The following DNAH8 variants were observed in gnomAD, a reference collection of about 807,000 sequenced individuals.
The protein encoded by DNAH8 is axonemal beta dynein heavy chain 8.
DNAH8 carries 382 observed loss-of-function variants against 562.1 expected under a neutral mutation model. The observed-to-expected ratio is 0.68, with a 90% confidence interval of 0.63 to 0.74. DNAH8 has a LOEUF of 0.74. Among genes scored for constraint, DNAH8 ranks in the 30% least tolerant of loss-of-function variants. The pLI, the probability that DNAH8 is intolerant of heterozygous loss-of-function variation, is 0.00. For synonymous variants in DNAH8, 1,881 were observed against 1,919.4 expected (o/e 0.98, Z 0.52); for missense variants, 5,203 against 5,620.4 (o/e 0.93, Z 2.37).
At chr6:38,777,833 G>A (rs996211810) in intron 13 of DNAH8, among the ~76,000 whole-genome samples, 1 of 152,102 alleles carries the variant, frequency 6.6e-6, no homozygotes, top group East Asian at 1.9e-4. Context: ...ACATCTGCTG[G>A]CCCTGGTGTC....
intron 21 of DNAH8, 42 bp downstream of exon 21, chr6:38,791,716 C>T (rs1769764561): frequency 6.3e-7 from 1 of 1,589,298 alleles, no homozygotes; most frequent in Non-Finnish European, 8.5e-7. Context: ...AAAATATTGG[C>T]CTATAAACCT....
At chr6:38,750,051 C>T (rs1029150485) in intron 8 of DNAH8, among the ~76,000 whole-genome samples, 23 of 152,268 alleles carry the variant, frequency 1.5e-4, no homozygotes, top group Admixed American at 1.4e-3. Flanking sequence ...CTAGGATGGT[C>T]TCGATCTCCT....
intron 79 of DNAH8, among the ~76,000 whole-genome samples, chr6:38,942,958 G>A (rs1026867514): frequency 2.0e-5 from 3 of 152,218 alleles, no homozygotes; most frequent in African/African-American, 7.2e-5. Context: ...GAATTCATCA[G>A]GGAGGATTAG....
intron 8 of DNAH8, among the ~76,000 whole-genome samples, chr6:38,746,087 T>C (rs1342543217): frequency 6.6e-6 from 1 of 152,142 alleles, no homozygotes; most frequent in Admixed American, 6.5e-5. Context: ...CCAATGGTGG[T>C]TTTCTAGTTC....
At chr6:38,805,965 A>G (rs1214471672) in intron 23 of DNAH8, among the ~76,000 whole-genome samples, 1 of 152,174 alleles carries the variant, frequency 6.6e-6, no homozygotes, top group African/African-American at 2.4e-5. Context: ...GCAAGTCCAG[A>G]TTGTGGTTCA....
chr6:38,744,602 T>C (rs1286427007), intron 8 of DNAH8, among the ~76,000 whole-genome samples: 1 of 141,750 alleles, frequency 7.1e-6, no homozygotes, highest in Non-Finnish European at 1.5e-5. Context: ...CTTTATTTTT[T>C]ATTTTTTTTG....
chr6:38,832,549 G>A (rs755685846), intron 31 of DNAH8, 114 bp downstream of exon 31: 348 of 607,712 alleles, frequency 5.7e-4, no homozygotes, highest in Non-Finnish European at 8.8e-4. Flanking sequence ...CTATATTTGC[G>A]TATTTGCAGC....
chr6:38,747,855 A>G (rs1434324775), intron 8 of DNAH8, among the ~76,000 whole-genome samples: 2 of 152,194 alleles, frequency 1.3e-5, no homozygotes, highest in South Asian at 2.1e-4. Flanking sequence ...TTAGTTTTAT[A>G]TATTTTTGAA....
At chr6:38,862,584 A>G in intron 44 of DNAH8, 126 bp downstream of exon 44, 1 of 1,122,540 alleles carries the variant, frequency 8.9e-7, no homozygotes. Context: ...GTTGATCCGT[A>G]TGATATTGCC....
At chr6:38,959,078 T>G (rs1189931130) in intron 82 of DNAH8, among the ~76,000 whole-genome samples, 1 of 152,146 alleles carries the variant, frequency 6.6e-6, no homozygotes, top group East Asian at 1.9e-4. Context: ...AGATTCAACA[T>G]TCCTTTGTGA....
In DNAH8 at chr6:38,839,853, G is replaced by T. The variant is rs1774631945; in HGVS notation, c.4466+1811G>T. ...AATTTTATATTTTTAGTAGAGACGG[G>T]GTTTCATCATGTTGGTCAGGCTGGT... On this transcript the variant is annotated intron_variant, in intron 33 of 92. Coordinates refer to ENST00000327475, the MANE Select transcript of DNAH8 (RefSeq NM_001206927.2). 2.0e-5 allele frequency among the ~76,000 whole-genome samples: 3 copies of T among 152,028 alleles called. No homozygotes were observed. The South Asian group carries it at 6.2e-4, about 32-fold the overall frequency.
chr6:38,917,400 A>T lies in DNAH8; in HGVS notation c.10302A>T (p.Ser3434=), dbSNP rs1781386282. Residue 3434 remains serine (S), a synonymous_variant, in exon 69 of 93, where the codon TCA becomes TCT. Transcript: ENST00000327475. ...GCTGTAAGCCATCATGGGGAGAGTC[A>T]TTAAAGGTAAGTAAAATCTATCATT... ...KSCCKPSWGE[S]LKLMSATGFL... is the part of the protein sequence containing the mutation. 1 of 1,612,694 alleles carries T rather than the reference A, an allele frequency of 6.2e-7. No homozygotes were observed. The highest frequency in any genetic ancestry group is 1.3e-5 in the African/African-American group (1 of 74,892).
rs1378871356 is a variant in DNAH8, at chr6:38,722,783, A to G, written c.-27A>G. The G allele has an allele frequency of 5.2e-6, 8 of 1,531,400 alleles. No homozygotes were observed. The East Asian group carries it at 6.8e-5, about 13-fold the overall frequency. The allele number at this position is 1,531,400 out of a possible 1,614,324, so 94.9% of individuals were successfully genotyped here. A position where few individuals can be genotyped will look rare whatever the true frequency, so the allele number is the denominator to read the frequency against. ...CCTATGTTATAATTCTAGGTTTCGA[A>G]GTATAAAGCATTCCGCACGACGGGG... is the stretch of plus-strand genomic sequence containing the variant. On this transcript the variant is annotated 5_prime_UTR_variant, in exon 2 of 93. Coordinates refer to ENST00000327475, the MANE Select transcript of DNAH8 (RefSeq NM_001206927.2).
chr6:38,782,533 TG>T (rs1389287635), intron 16 of DNAH8, among the ~76,000 whole-genome samples: 4 of 152,276 alleles, frequency 2.6e-5, no homozygotes, highest in South Asian at 2.1e-4. Flanking sequence ...CCACCTGCCT[TG>T]GCCTCCCAAA....
chr6:38,993,550 A>G (rs1764933578), intron 88 of DNAH8, among the ~76,000 whole-genome samples: 1 of 151,924 alleles, frequency 6.6e-6, no homozygotes. Context: ...CTTTCAACCC[A>G]TTTCCCTCTT....
At chr6:38,874,805 G>A (rs1427728917) in intron 52 of DNAH8, among the ~76,000 whole-genome samples, 1 of 152,202 alleles carries the variant, frequency 6.6e-6, no homozygotes, top group Non-Finnish European at 1.5e-5. Context: ...TCAATTCTCA[G>A]TTAAGAGAGT....
chr6:38,910,942 G>A (rs893782225), intron 65 of DNAH8, among the ~76,000 whole-genome samples: 2 of 152,136 alleles, frequency 1.3e-5, no homozygotes, highest in Non-Finnish European at 2.9e-5. Flanking sequence ...CATTTGAATC[G>A]AGTGTGGTTG....
intron 59 of DNAH8, among the ~76,000 whole-genome samples, chr6:38,895,470 T>G (rs1476955460): frequency 6.6e-6 from 1 of 152,234 alleles, no homozygotes; most frequent in Non-Finnish European, 1.5e-5. Context: ...CTACAAATTT[T>G]GTGAGCTCTT....
At chr6:38,992,951 T>A in intron 88 of DNAH8, among the ~76,000 whole-genome samples, 1 of 152,224 alleles carries the variant, frequency 6.6e-6, no homozygotes, top group South Asian at 2.1e-4. Flanking sequence ...CTTTTTCTCC[T>A]TCTATATTTA....
Sources: allele counts gnomAD v4.1 joint callset (sites outside exome capture counted in the v4.1 genomes callset), GRCh38; gene constraint gnomAD v4.1.1; transcripts MANE v1.5; gene names NCBI Gene and HGNC (gene_info 2026-07-23, HGNC 2026-07-21).